SEMA3E: variants seen among roughly 807,000 people sequenced by gnomAD.
The protein encoded by SEMA3E is semaphorin 3E.
Under a neutral mutation model 93.6 loss-of-function variants are expected in SEMA3E, and 49 were observed. The ratio of observed to expected loss-of-function variants is 0.52; its 90% CI spans 0.42 to 0.66. The LOEUF (loss-of-function observed/expected upper bound fraction) is 0.66, where lower values mean the gene tolerates loss of function less well. Ranked by LOEUF, SEMA3E falls within the 30% of genes least tolerant of loss-of-function variation. The pLI, the probability that SEMA3E is intolerant of heterozygous loss-of-function variation, is 0.00. For synonymous variants in SEMA3E, 363 were observed against 330.7 expected, an observed-to-expected ratio of 1.10 and a Z score of -1.06; for missense variants, 906 against 964.8, an observed-to-expected ratio of 0.94 and a Z score of 0.81.
chr7:83,456,622 A>ATTTGT (rs10667838), intron 4 of SEMA3E, among the ~76,000 whole-genome samples: 1 of 145,552 alleles, frequency 6.9e-6, no homozygotes, highest in African/African-American at 2.5e-5. Context: ...TTATTTATTT[A>ATTTGT]TTATTTTTGA....
chr7:83,405,915 A>G (rs775272527), intron 8 of SEMA3E, 30 bp downstream of exon 8: 5 of 1,502,284 alleles, frequency 3.3e-6, no homozygotes, highest in Non-Finnish European at 4.6e-6. Context: ...TACATAAAAG[A>G]GCAAATTTAA....
chr7:83,493,152 A>T, intron 1 of SEMA3E, among the ~76,000 whole-genome samples: 1 of 152,058 alleles, frequency 6.6e-6, no homozygotes, highest in Non-Finnish European at 1.5e-5. Flanking sequence ...GCAAATCGAC[A>T]CTTAGATGTT....
intron 4 of SEMA3E, among the ~76,000 whole-genome samples, chr7:83,421,666 T>C (rs956032218): frequency 7.0e-6 from 1 of 142,460 alleles, no homozygotes; most frequent in African/African-American, 2.5e-5. Context: ...CTCTGAGAGT[T>C]GAGGGCACTT....
intron 1 of SEMA3E, among the ~76,000 whole-genome samples, chr7:83,565,800 C>G (rs986056749): frequency 6.6e-6 from 1 of 151,978 alleles, no homozygotes; most frequent in East Asian, 1.9e-4. Context: ...AATTTTATGA[C>G]CTTCTTTGGA....
chr7:83,539,114 G>A (rs531183509), intron 1 of SEMA3E, among the ~76,000 whole-genome samples: 94 of 152,240 alleles, frequency 6.2e-4, no homozygotes, highest in Non-Finnish European at 1.1e-3. Context: ...CTAAGGATGT[G>A]TAGGATCTTA....
intron 16 of SEMA3E, among the ~76,000 whole-genome samples, chr7:83,369,508 A>T (rs772062417): frequency 4.4e-4 from 67 of 152,322 alleles, no homozygotes; most frequent in East Asian, 5.8e-4. Flanking sequence ...GTAAGTTAAT[A>T]ACTCAGAAGC....
At position 83,439,366 on chromosome 7, in the gene SEMA3E, G is replaced by T. The variant is rs552426671; in HGVS notation, c.457-20883C>A. Reference sequence around the variant, plus strand: ...AACAGCCGATTTGTTATTCAGCCCAGGCTGCAGCCATATAGCTCTCTTGGA... The same window carrying T: ...AACAGCCGATTTGTTATTCAGCCCATGCTGCAGCCATATAGCTCTCTTGGA... On this transcript the variant is annotated intron_variant, in intron 4 of 16. Transcript: ENST00000643230. Among the ~76,000 whole-genome samples, 15 of 152,324 alleles carry T rather than the reference G, an allele frequency of 9.8e-5. No individual in the cohort carries two copies. In the East Asian group the frequency reaches 2.9e-3, roughly 29 times the overall value.
chr7:83,489,480 A>G (rs761414606), intron 2 of SEMA3E, among the ~76,000 whole-genome samples: 1 of 152,034 alleles, frequency 6.6e-6, no homozygotes, highest in Non-Finnish European at 1.5e-5. Context: ...ATTACATAAT[A>G]CATGCACTTA....
At chr7:83,602,767 C>T (rs531678470) in intron 1 of SEMA3E, among the ~76,000 whole-genome samples, 3 of 152,264 alleles carry the variant, frequency 2.0e-5, no homozygotes, top group African/African-American at 7.2e-5. Context: ...TGAGCCCCCG[C>T]GCCCAGCCTA....
chr7:83,381,829 T>C (rs1787784435), intron 16 of SEMA3E, among the ~76,000 whole-genome samples: 1 of 151,956 alleles, frequency 6.6e-6, no homozygotes, highest in African/African-American at 2.4e-5. Context: ...TAGTAGAAGC[T>C]TGAAAAGGAA....
intron 1 of SEMA3E, among the ~76,000 whole-genome samples, chr7:83,515,184 T>C (rs927849621): frequency 3.3e-5 from 5 of 152,090 alleles, no homozygotes; most frequent in Non-Finnish European, 7.4e-5. Flanking sequence ...TCTCCTCCTT[T>C]TCCTTCTCAC....
At chr7:83,476,791 C>T (rs1199052304) in intron 2 of SEMA3E, among the ~76,000 whole-genome samples, 1 of 152,072 alleles carries the variant, frequency 6.6e-6, no homozygotes, top group African/African-American at 2.4e-5. Flanking sequence ...ATTTGTTCTG[C>T]ACAAAACATT....
At chr7:83,529,822 C>T (rs1018408811) in intron 1 of SEMA3E, among the ~76,000 whole-genome samples, 6 of 152,178 alleles carry the variant, frequency 3.9e-5, no homozygotes, top group South Asian at 4.1e-4. Flanking sequence ...TTTGGGCATT[C>T]GTATGCCCTT....
At chr7:83,392,851 C>T in intron 13 of SEMA3E, 130 bp from the exon 14 acceptor site, 1 of 883,194 alleles carries the variant, frequency 1.1e-6, no homozygotes, top group Non-Finnish European at 1.8e-6. Context: ...CTTAAATTAG[C>T]AGTTTCAGGA....
chr7:83,534,215 T>G (rs1210765598), intron 1 of SEMA3E, among the ~76,000 whole-genome samples: 3 of 152,352 alleles, frequency 2.0e-5, no homozygotes, highest in East Asian at 1.9e-4. Flanking sequence ...TGATATTTTC[T>G]GATTTATTCT....
In SEMA3E at chr7:83,606,816, A is replaced by G. The variant is rs11977760; in HGVS notation, c.115+41612T>C. On this transcript the variant is annotated intron_variant, in intron 1 of 16. Coordinates refer to ENST00000643230, the MANE Select transcript of SEMA3E (RefSeq NM_012431.3). ...AGATTTGAAATTATTGTTTTTAACT[A>G]ATGTATGTATTTTCTACTTGCATAT... Among the ~76,000 whole-genome samples the G allele has an allele frequency of 5.9e-3, 904 of 152,192 alleles. 9 individuals carry two copies. Among genetic ancestry groups the G allele is most frequent in the African/African-American group, 0.021 (870 of 41,530 alleles).
At chr7:83,428,540 T>C (rs1788817447) in intron 4 of SEMA3E, among the ~76,000 whole-genome samples, 1 of 152,206 alleles carries the variant, frequency 6.6e-6, no homozygotes, top group Non-Finnish European at 1.5e-5. Context: ...TGATAATGTG[T>C]ATAACAAATT....
chr7:83,425,467 G>A (rs550090718), intron 4 of SEMA3E, among the ~76,000 whole-genome samples: 146 of 152,116 alleles, frequency 9.6e-4, no homozygotes, highest in African/African-American at 3.3e-3. Context: ...CAGTCTCTGA[G>A]TCCCAGCCAT....
chr7:83,564,786 T>C (rs1164404138), intron 1 of SEMA3E, among the ~76,000 whole-genome samples: 1 of 152,174 alleles, frequency 6.6e-6, no homozygotes, highest in Non-Finnish European at 1.5e-5. Flanking sequence ...GACAATTACA[T>C]GGTTGGCTAA....
Sources: gnomAD v4.1 joint callset for allele counts (sites outside exome capture counted in the v4.1 genomes callset) on GRCh38, gnomAD v4.1.1 for gene constraint, MANE v1.5 for transcripts, NCBI Gene and HGNC (gene_info 2026-07-23, HGNC 2026-07-21) for gene names.